The following ORC5 variants were observed in gnomAD, a reference collection of about 807,000 sequenced individuals.
ORC5 encodes origin recognition complex subunit 5, also known as protein phosphatase 1, regulatory subunit 117.
A neutral mutation model predicts 58.8 loss-of-function variants in ORC5; 39 were observed. The ratio of observed to expected loss-of-function variants is 0.66; its 90% confidence interval spans 0.51 to 0.87. The LOEUF (loss-of-function observed/expected upper bound fraction) is 0.87, where lower values mean the gene tolerates loss of function less well. ORC5 is among the 40% of genes least tolerant of loss of function. ORC5 has a pLI of 0.00. For synonymous variants in ORC5, 218 were observed against 177.6 expected (o/e 1.23, Z -1.81); for missense variants, 493 against 506.3 (o/e 0.97, Z 0.25).
chr7:104,156,486 C>A (rs1042490568), intron 12 of ORC5, among the ~76,000 whole-genome samples: 1 of 151,282 alleles, frequency 6.6e-6, no homozygotes, highest in African/African-American at 2.4e-5. Flanking sequence ...TTAAAGAGTC[C>A]TTGAGTTACT....
In ORC5 at chr7:104,161,096, A is replaced by G. The variant is rs760013812; in HGVS notation, c.1125T>C (p.Ala375=). 2 of 1,595,536 alleles carry G rather than the reference A, an allele frequency of 1.3e-6. No homozygotes were observed. The highest frequency in any genetic ancestry group is 8.6e-7 in the Non-Finnish European group (1 of 1,163,622). ...ILYSIVDSRV[A]PTANIFSQIT... is the part of the protein sequence containing the mutation. Reference sequence around the variant, plus strand: ...CCTGGGAAAAAATATTTGCTGTTGGAGCAACTCTGCTGTCCACGATACTAT... The same window carrying G: ...CCTGGGAAAAAATATTTGCTGTTGGGGCAACTCTGCTGTCCACGATACTAT... The change falls in exon 12 of 14, where the codon GCT becomes GCC. Residue 375 remains alanine (A), a synonymous_variant. Transcript: ENST00000297431.
At chr7:104,206,424 C>T (rs923277973) in intron 1 of ORC5, among the ~76,000 whole-genome samples, 2 of 152,216 alleles carry the variant, frequency 1.3e-5, no homozygotes, top group African/African-American at 4.8e-5. Context: ...ACTAAGTTTA[C>T]TCATCCCTAT....
chr7:104,140,630 G>A (rs1394224495), intron 12 of ORC5, among the ~76,000 whole-genome samples: 1 of 152,170 alleles, frequency 6.6e-6, no homozygotes, highest in Non-Finnish European at 1.5e-5. Context: ...GAACCTGGGT[G>A]TCACTGTGAC....
At chr7:104,147,394 T>C (rs1208089416) in intron 12 of ORC5, among the ~76,000 whole-genome samples, 1 of 152,186 alleles carries the variant, frequency 6.6e-6, no homozygotes, top group Non-Finnish European at 1.5e-5. Context: ...AATTCTTACT[T>C]TATATATTTT....
intron 13 of ORC5, among the ~76,000 whole-genome samples, chr7:104,134,769 G>A (rs1429086223): frequency 1.3e-5 from 2 of 152,076 alleles, no homozygotes; most frequent in Non-Finnish European, 2.9e-5. Context: ...AAGACTATTA[G>A]GAGAATAATA....
intron 13 of ORC5, among the ~76,000 whole-genome samples, chr7:104,132,556 T>C (rs1207176767): frequency 6.6e-6 from 1 of 152,176 alleles, no homozygotes; most frequent in Non-Finnish European, 1.5e-5. Context: ...CCCTTCTTGC[T>C]GTCCCCAAAA....
intron 6 of ORC5, among the ~76,000 whole-genome samples, chr7:104,185,161 C>G (rs1017607169): frequency 2.6e-5 from 4 of 151,986 alleles, no homozygotes; most frequent in Admixed American, 6.6e-5. Context: ...TTGATAGATG[C>G]AGCAAACCAC....
intron 12 of ORC5, among the ~76,000 whole-genome samples, chr7:104,159,359 G>A (rs1258103749): frequency 7.1e-6 from 1 of 141,360 alleles, no homozygotes; most frequent in East Asian, 2.2e-4. Context: ...GATAGCATTA[G>A]GAGATATACC....
At chr7:104,188,195 TACACAC>T (rs34643155) in intron 6 of ORC5, 50 bp downstream of exon 6, 45 of 1,017,126 alleles carry the variant, frequency 4.4e-5, no homozygotes, top group East Asian at 8.1e-5. Context: ...CATATATGTA[TACACAC>T]ACACACACAC....
At chr7:104,197,042 T>C (rs1283351278) in intron 4 of ORC5, among the ~76,000 whole-genome samples, 2 of 152,198 alleles carry the variant, frequency 1.3e-5, no homozygotes, top group Admixed American at 1.3e-4. Flanking sequence ...GTCCTTTTCT[T>C]ATTGGGCCAT....
At chr7:104,131,918 G>T (rs912769715) in intron 13 of ORC5, among the ~76,000 whole-genome samples, 6 of 151,468 alleles carry the variant, frequency 4.0e-5, no homozygotes, top group African/African-American at 1.5e-4. Context: ...AAATAAATAA[G>T]TAAATAAATG....
intron 5 of ORC5, among the ~76,000 whole-genome samples, chr7:104,188,983 G>A (rs570732499): frequency 2.0e-5 from 3 of 152,124 alleles, no homozygotes; most frequent in Admixed American, 2.0e-4. Flanking sequence ...GCAGAAGCCT[G>A]TACAGCCCAC....
At chr7:104,203,653 C>T (rs1800001508) in intron 2 of ORC5, among the ~76,000 whole-genome samples, 1 of 152,144 alleles carries the variant, frequency 6.6e-6, no homozygotes, top group Non-Finnish European at 1.5e-5. Context: ...CTGCCAGACT[C>T]CACAGCCCAA....
chr7:104,147,049 T>C (rs1286524085), intron 12 of ORC5, among the ~76,000 whole-genome samples: 1 of 152,196 alleles, frequency 6.6e-6, no homozygotes, highest in African/African-American at 2.4e-5. Context: ...CTTTGAGAAA[T>C]ACCTTGTAAA....
At chr7:104,207,068 G>T (rs1800105998) in intron 1 of ORC5, among the ~76,000 whole-genome samples, 1 of 152,140 alleles carries the variant, frequency 6.6e-6, no homozygotes. Flanking sequence ...AGAAGATGGG[G>T]GTATGAGTAT....
intron 12 of ORC5, among the ~76,000 whole-genome samples, chr7:104,142,102 A>G (rs1400746823): frequency 6.6e-6 from 1 of 152,216 alleles, no homozygotes; most frequent in Admixed American, 6.5e-5. Flanking sequence ...AAGGTCAACT[A>G]ATCTTTGACA....
chr7:104,131,886 A>G (rs1798517942), intron 13 of ORC5, among the ~76,000 whole-genome samples: 1 of 151,914 alleles, frequency 6.6e-6, no homozygotes, highest in African/African-American at 2.4e-5. Flanking sequence ...AAGAAAAAAA[A>G]ATACTCTCTC....
intron 6 of ORC5, chr7:104,187,674 C>T (rs1205606863): frequency 1.2e-6 from 1 of 823,180 alleles, no homozygotes; most frequent in African/African-American, 1.8e-5. Context: ...TAAACATCAA[C>T]ATTTTCCAAA....
At chr7:104,134,091 C>T (rs924292726) in intron 13 of ORC5, among the ~76,000 whole-genome samples, 11 of 152,052 alleles carry the variant, frequency 7.2e-5, no homozygotes, top group African/African-American at 2.7e-4. Context: ...ACAGAATGAA[C>T]TCAGGCGTTA....
Sources: gnomAD v4.1 joint callset for allele counts (sites outside exome capture counted in the v4.1 genomes callset) on GRCh38, gnomAD v4.1.1 for gene constraint, MANE v1.5 for transcripts, NCBI Gene and HGNC (gene_info 2026-07-23, HGNC 2026-07-21) for gene names.